Variants in TOGARAM1 observed in about 807,000 individuals in gnomAD.
The protein encoded by TOGARAM1 is TOG array regulator of axonemal microtubules protein 1.
In TOGARAM1, 100 loss-of-function variants were observed where a neutral mutation model predicts 166.6. The observed-to-expected ratio is 0.60, with a 90% CI of 0.51 to 0.71. TOGARAM1 has a LOEUF of 0.71. TOGARAM1 is among the 30% of genes least tolerant of loss of function. The probability of loss-of-function intolerance (pLI) is 0.00; values close to 1 mark genes in which losing one functional copy is unlikely to be tolerated. For missense variants in TOGARAM1, 2,029 were observed against 2,102.7 expected (o/e 0.96, Z 0.69); for synonymous variants, 758 against 763.8 (o/e 0.99, Z 0.13).
At chr14:45,064,527 A>G (rs773263198) in intron 16 of TOGARAM1, among the ~76,000 whole-genome samples, 40 of 151,972 alleles carry the variant, frequency 2.6e-4, no homozygotes, top group Non-Finnish European at 5.1e-4. Context: ...CTGGAGTGCA[A>G]TGACGTGATC....
intron 15 of TOGARAM1, among the ~76,000 whole-genome samples, chr14:45,054,224 A>G (rs1354996056): frequency 1.3e-5 from 2 of 152,190 alleles, no homozygotes; most frequent in African/African-American, 2.4e-5. Flanking sequence ...AAGTCAATAT[A>G]TATTTTCCCA....
chr14:45,066,140 T>C (rs761297839), intron 16 of TOGARAM1, among the ~76,000 whole-genome samples: 4 of 152,216 alleles, frequency 2.6e-5, no homozygotes, highest in Non-Finnish European at 5.9e-5. Context: ...GTGAAAACTC[T>C]AGACATGAGG....
At chr14:44,982,784 C>T (rs1179893384) in intron 1 of TOGARAM1, among the ~76,000 whole-genome samples, 1 of 152,136 alleles carries the variant, frequency 6.6e-6, no homozygotes, top group African/African-American at 2.4e-5. Flanking sequence ...AGGATTTTTG[C>T]CTCATTTAGT....
At chr14:45,036,379 G>T (rs1039532196) in intron 11 of TOGARAM1, among the ~76,000 whole-genome samples, 1 of 151,990 alleles carries the variant, frequency 6.6e-6, no homozygotes, top group Non-Finnish European at 1.5e-5. Flanking sequence ...AGTGAGATTA[G>T]ATTAAAAAGC....
rs147289372 is a variant in TOGARAM1, at chr14:45,031,881, C to T, written c.3659-342C>T. Among the ~76,000 whole-genome samples, 563 of 152,152 alleles carry T rather than the reference C, an allele frequency of 3.7e-3. 2 individuals are homozygous for T. Among genetic ancestry groups the T allele is most frequent in the African/African-American group, 0.012 (504 of 41,510 alleles). Reference sequence around the variant, plus strand: ...ACCCTTTGTATGAAGGACTCTTGGCCAGGCATGGTGGCTCATGCCTGTAAT... The same window carrying T: ...ACCCTTTGTATGAAGGACTCTTGGCTAGGCATGGTGGCTCATGCCTGTAAT... On this transcript the variant is annotated intron_variant, in intron 10 of 19. Coordinates refer to ENST00000361462, the MANE Select transcript of TOGARAM1 (RefSeq NM_001308120.2).
Position 44,962,602 on chromosome 14 carries a change from C to A in TOGARAM1, c.181C>A (p.Pro61Thr). The A allele has an allele frequency of 1.2e-6, 2 of 1,613,588 alleles. No individual in the cohort carries two copies. Among genetic ancestry groups the A allele is most frequent in the Non-Finnish European group, 1.7e-6 (2 of 1,179,652 alleles). ...AGCTGCGGGGGACCACGGTTCCTGCCCCACTACAACTTCGCCTCTGGCCTC... is the reference window on the plus strand; with the variant it reads ...AGCTGCGGGGGACCACGGTTCCTGCACCACTACAACTTCGCCTCTGGCCTC... ...RGAAGDHGSC[P>T]TTTSPLASAL... The change falls in exon 1 of 20, where the codon CCC (proline) becomes ACC (threonine). Residue 61 changes from proline (P) to threonine (T), a missense_variant. Around this residue, in one of 2 missense-constraint regions of TOGARAM1, gnomAD observed 1,453 missense variants for 1,432.2 expected, o/e 1.01. Coordinates refer to ENST00000361462, the MANE Select transcript of TOGARAM1 (RefSeq NM_001308120.2).
chr14:44,998,737 C>A (rs1449023780), intron 2 of TOGARAM1, among the ~76,000 whole-genome samples: 1 of 151,996 alleles, frequency 6.6e-6, no homozygotes, highest in Non-Finnish European at 1.5e-5. Context: ...TTCAGAACTA[C>A]AAAGGATGGG....
At chr14:45,054,574 C>G (rs906609845) in intron 16 of TOGARAM1, 25 bp downstream of exon 16, 3 of 1,486,768 alleles carry the variant, frequency 2.0e-6, no homozygotes, top group Non-Finnish European at 2.8e-6. Context: ...TAGTCCTCAT[C>G]AGAGAAATTA....
At chr14:45,066,543 C>A in intron 16 of TOGARAM1, 35 bp from the exon 17 acceptor site, 1 of 1,510,692 alleles carries the variant, frequency 6.6e-7, no homozygotes, top group Non-Finnish European at 9.0e-7. Flanking sequence ...TAGGAAAGTA[C>A]AAATGAAATT....
chr14:45,073,728 C>T lies in TOGARAM1; in HGVS notation c.*167C>T. ...CACATCTGTCCTATATCAACCTTAC[C>T]ACTTATATTCATCACATAAAAACCT... On this transcript the variant is annotated 3_prime_UTR_variant, in exon 20 of 20. Transcript: ENST00000361462. 1.9e-6 allele frequency: 1 copy of T among 535,586 alleles called. No homozygotes were observed. Among genetic ancestry groups the T allele is most frequent in the South Asian group, 3.3e-5 (1 of 30,030 alleles). 33.2% of individuals were successfully genotyped at this position (535,586 alleles called of 1,614,324 possible). A position where few individuals can be genotyped will look rare whatever the true frequency, so the allele number is the denominator to read the frequency against.
At chr14:44,986,471 A>G (rs1886800679) in intron 1 of TOGARAM1, among the ~76,000 whole-genome samples, 1 of 151,912 alleles carries the variant, frequency 6.6e-6, no homozygotes, top group South Asian at 2.1e-4. Context: ...TTAATTTTTC[A>G]TAGAGACAAG....
rs1414613507 is a variant in TOGARAM1 at position 45,032,342 on chromosome 14, A to G, written c.3778A>G (p.Thr1260Ala). 6.2e-7 allele frequency: 1 copy of G among 1,614,098 alleles called. No homozygotes were observed. The highest frequency in any genetic ancestry group is 1.1e-5 in the South Asian group (1 of 91,056). Residue 1260 changes from threonine (T) to alanine (A), a missense_variant, in exon 11 of 20, where the codon ACA becomes GCA. By Grantham distance (58) the Thr-to-Ala change is moderately conservative. Around this residue, in one of 2 missense-constraint regions of TOGARAM1, gnomAD observed 576 missense variants for 670.5 expected, o/e 0.86. Transcript: ENST00000361462. ...RPFSKPEIAL[T>A]EALRLLADED... ...ATTCTCTAAACCAGAAATAGCACTG[A>G]CAGAAGCCCTGAGGCTTTTGGCTGA...
chr14:45,057,842 CTTA>C (rs752357116), intron 16 of TOGARAM1, among the ~76,000 whole-genome samples: 1 of 152,076 alleles, frequency 6.6e-6, no homozygotes, highest in Non-Finnish European at 1.5e-5. Context: ...TTTGTTGGGA[CTTA>C]TTATGTGACC....
chr14:45,073,636 A>T lies in TOGARAM1; in HGVS notation c.*75A>T. On this transcript the variant is annotated 3_prime_UTR_variant, in exon 20 of 20. Coordinates refer to ENST00000361462, the MANE Select transcript of TOGARAM1 (RefSeq NM_001308120.2). ...AATGGAACTTTCTAAAAGTTATGTT[A>T]TCAGTGCCTGCACTTCACATCCAGC... 7.9e-6 allele frequency: 11 copies of T among 1,390,418 alleles called. No homozygotes were observed. Among genetic ancestry groups the T allele is most frequent in the Non-Finnish European group, 1.1e-5 (11 of 1,028,494 alleles). The allele number at this position is 1,390,418 out of a possible 1,614,324, so 86.1% of individuals were successfully genotyped here.
chr14:45,018,893 A>G (rs754311960), intron 7 of TOGARAM1, among the ~76,000 whole-genome samples: 2 of 152,198 alleles, frequency 1.3e-5, no homozygotes, highest in Non-Finnish European at 2.9e-5. Context: ...ACTGTTGAAT[A>G]TGTTCATTCA....
chr14:44,999,303 G>T, intron 2 of TOGARAM1, 60 bp from the exon 3 acceptor site: 1 of 1,437,576 alleles, frequency 7.0e-7, no homozygotes, highest in Non-Finnish European at 9.3e-7. Flanking sequence ...GAAATAAAAT[G>T]TATTCATGAA....
In TOGARAM1 at chr14:44,992,924, T is replaced by C. The variant is rs1566615842; in HGVS notation, c.2047-2822T>C. Among the ~76,000 whole-genome samples the C allele has an allele frequency of 5.3e-5, 8 of 151,604 alleles. No homozygotes were observed. In the South Asian group the frequency reaches 1.7e-3, roughly 32 times the overall value. ...GAGCCACCATGCCCGGCCTAATTTTTGCAATCTTTTTATGAAAAATATGCA... is the reference window on the plus strand; with the variant it reads ...GAGCCACCATGCCCGGCCTAATTTTCGCAATCTTTTTATGAAAAATATGCA... On this transcript the variant is annotated intron_variant, in intron 1 of 19. Transcript: ENST00000361462.
At chr14:45,070,243 G>C (rs574514244) in intron 18 of TOGARAM1, among the ~76,000 whole-genome samples, 3 of 152,294 alleles carry the variant, frequency 2.0e-5, no homozygotes, top group South Asian at 4.1e-4. Flanking sequence ...GGGATGCAAG[G>C]ATGGTTCAAC....
At chr14:44,974,719 C>G (rs1886086064) in intron 1 of TOGARAM1, among the ~76,000 whole-genome samples, 1 of 151,142 alleles carries the variant, frequency 6.6e-6, no homozygotes, top group South Asian at 2.1e-4. Context: ...AATATCTTAG[C>G]ATTTTAAAAA....
Sources: allele counts gnomAD v4.1 joint callset (sites outside exome capture counted in the v4.1 genomes callset), GRCh38; gene constraint gnomAD v4.1.1; regional missense constraint gnomAD v4.1.1; transcripts MANE v1.5; gene names NCBI Gene and HGNC (gene_info 2026-07-23, HGNC 2026-07-21).